YBX3: variants seen among roughly 807,000 people sequenced by gnomAD.
The protein encoded by YBX3 is Y-box binding protein 3, also known as Y-box-binding protein 3.
A neutral mutation model predicts 42.4 loss-of-function variants in YBX3; 29 were observed. That is an observed-to-expected ratio of 0.68 (90% confidence interval 0.51 to 0.93). YBX3 has a LOEUF of 0.93. YBX3 is among the 40% of genes least tolerant of loss of function. The pLI, the probability that YBX3 is intolerant of heterozygous loss-of-function variation, is 0.00. For missense variants in YBX3, 517 were observed against 527.5 expected (o/e 0.98, Z 0.19); for synonymous variants, 195 against 189.8 (o/e 1.03, Z -0.22).
At chr12:10,700,617 AC>A (rs889370612) in intron 9 of YBX3, among the ~76,000 whole-genome samples, 3 of 152,176 alleles carry the variant, frequency 2.0e-5, no homozygotes, top group African/African-American at 7.2e-5. Flanking sequence ...TCTTTACCAT[AC>A]CCTATTGTAA....
chr12:10,701,845 T>C, intron 8 of YBX3, 115 bp downstream of exon 8: 1 of 1,251,438 alleles, frequency 8.0e-7, no homozygotes. Flanking sequence ...TTGAGCAAAA[T>C]GTTTTTATAT....
intron 4 of YBX3, among the ~76,000 whole-genome samples, 192 bp downstream of exon 4, chr12:10,715,502 C>T (rs374525041): frequency 1.2e-4 from 18 of 151,678 alleles, no homozygotes; most frequent in South Asian, 4.2e-4. Context: ...ACCAAGATCG[C>T]GCCACTGCAC....
At position 10,699,295 on chromosome 12, in the gene YBX3, T is replaced by C. The variant is rs1230995716; in HGVS notation, c.*394A>G. 6.6e-6 allele frequency: 1 copy of C among 152,500 alleles called. No individual in the cohort carries two copies. Among genetic ancestry groups the C allele is most frequent in the Non-Finnish European group, 1.5e-5 (1 of 68,020 alleles). 9.4% of individuals were successfully genotyped at this position (152,500 alleles called of 1,614,324 possible). A position where few individuals can be genotyped will look rare whatever the true frequency, so the allele number is the denominator to read the frequency against. The stretch of plus-strand genomic sequence containing the variant: ...CAAAAACGGAAAAAAAAGCATTTAC[T>C]ATATATTTCAGATTTCTTTGGTTGG... On this transcript the variant is annotated 3_prime_UTR_variant, in exon 10 of 10. Transcript: ENST00000228251.
intron 7 of YBX3, chr12:10,702,951 T>A (rs1254769673): frequency 2.0e-5 from 3 of 152,226 alleles, no homozygotes; most frequent in Non-Finnish European, 4.4e-5. Flanking sequence ...CTGAGCTATA[T>A]AAAAGTGCTG....
rs1948350864 is a variant in YBX3 at position 10,723,008 on chromosome 12, G to C, written c.104C>G (p.Pro35Arg). ...GGCCTGGGGCGCACCGCTGCCCACC[G>C]GGCTCTTGGGCGCGGGGTCCTGGGG... is the stretch of plus-strand genomic sequence containing the variant. ...AAPQDPAPKSPVGSGAPQAAA... is the reference protein window; with the variant it reads ...AAPQDPAPKSRVGSGAPQAAA... The change falls in exon 1 of 10, where the codon CCG becomes CGG. Residue 35 changes from proline to arginine, a missense_variant. By Grantham distance (103) the Pro-to-Arg change is moderately radical. Around this residue, in one of 3 missense-constraint regions of YBX3, gnomAD observed 86 missense variants for 82.5 expected, o/e 1.04. Coordinates refer to ENST00000228251, the MANE Select transcript of YBX3 (RefSeq NM_003651.5). 8 of 1,208,168 alleles carry C rather than the reference G, an allele frequency of 6.6e-6. No individual in the cohort carries two copies. The highest frequency in any genetic ancestry group is 8.2e-6 in the Non-Finnish European group (8 of 974,890). 74.8% of individuals were successfully genotyped at this position (1,208,168 alleles called of 1,614,324 possible). A position where few individuals can be genotyped will look rare whatever the true frequency, so the allele number is the denominator to read the frequency against.
intron 6 of YBX3, chr12:10,704,481 C>T (rs1948115939): frequency 5.7e-6 from 1 of 175,374 alleles, no homozygotes; most frequent in African/African-American, 2.4e-5. Flanking sequence ...AACAAACTTA[C>T]TTTAAGCCAG....
chr12:10,704,408 A>G, intron 6 of YBX3: 1 of 329,142 alleles, frequency 3.0e-6, no homozygotes, highest in East Asian at 4.9e-5. Context: ...TCAATTTAAC[A>G]TTTTGAAATC....
At chr12:10,703,043 C>T (rs1268135817) in intron 7 of YBX3, 1 of 152,150 alleles carries the variant, frequency 6.6e-6, no homozygotes, top group Non-Finnish European at 1.5e-5. Context: ...TCACACGCTA[C>T]TGAATCCTTT....
intron 5 of YBX3, chr12:10,710,365 A>T: frequency 7.1e-7 from 1 of 1,399,156 alleles, no homozygotes; most frequent in South Asian, 1.5e-5. Context: ...TCTACAATCA[A>T]TTTAATAGTC....
At chr12:10,710,882 CAATT>C (rs1349434788) in intron 5 of YBX3, 3 of 160,966 alleles carry the variant, frequency 1.9e-5, no homozygotes, top group African/African-American at 7.2e-5. Context: ...TATTTTTAAT[CAATT>C]AACATTTTAA....
At position 10,723,078 on chromosome 12, in the gene YBX3, T is replaced by TGGTGGTGGTGGTGGC. The variant is rs1948353390; in HGVS notation, c.19_33dup (p.Ala7_Thr11dup). ...GTCGGAGCCTGCGGGAGGGTGGTGG[T>TGGTGGTGGTGGTGGC]GGTGGTGGTGGTGGCCTCGCCCGCC... On this transcript the variant is annotated inframe_insertion, in exon 1 of 10. Transcript: ENST00000228251. 8.3e-7 allele frequency: 1 copy of TGGTGGTGGTGGTGGC among 1,202,622 alleles called. No individual in the cohort carries two copies. Among genetic ancestry groups the TGGTGGTGGTGGTGGC allele is most frequent in the Non-Finnish European group, 1.0e-6 (1 of 971,000 alleles). 74.5% of individuals were successfully genotyped at this position (1,202,622 alleles called of 1,614,324 possible).
Position 10,718,123 on chromosome 12 carries a change from T to C in YBX3, c.327-2A>G. ...AATACATCTTCTTTGGTGTCATTTC[T>C]GTTGAAAGACAAAAAGCTCACAATT... On this transcript the variant is annotated splice_acceptor_variant, in intron 2 of 9. Coordinates refer to ENST00000228251, the MANE Select transcript of YBX3 (RefSeq NM_003651.5). LOFTEE classifies it high-confidence loss of function. The C allele has an allele frequency of 6.2e-7, 1 of 1,612,306 alleles. No individual in the cohort carries two copies. The highest frequency in any genetic ancestry group is 8.5e-7 in the Non-Finnish European group (1 of 1,179,190).
At chr12:10,710,904 TTACTTTCTAATATAATATTAATATAAA>T in intron 5 of YBX3, 1 of 162,868 alleles carries the variant, frequency 6.1e-6, no homozygotes, top group Non-Finnish European at 1.3e-5. Flanking sequence ...TAAGTTTATT[TTACTTTCTAATATAATATTAATATAAA>T]TAAACATTGA....
chr12:10,711,696 T>A (rs917433398), intron 5 of YBX3: 1 of 152,220 alleles, frequency 6.6e-6, no homozygotes, highest in African/African-American at 2.4e-5. Flanking sequence ...GACTTAGATA[T>A]TACAACAAAA....
At chr12:10,707,167 A>G (rs1948148002) in intron 6 of YBX3, among the ~76,000 whole-genome samples, 1 of 152,076 alleles carries the variant, frequency 6.6e-6, no homozygotes, top group Non-Finnish European at 1.5e-5. Context: ...ATACAACTTA[A>G]TGAACTCCCA....
chr12:10,722,781 C>A, intron 1 of YBX3, 69 bp downstream of exon 1: 1 of 1,297,560 alleles, frequency 7.7e-7, no homozygotes, highest in Non-Finnish European at 9.9e-7. Flanking sequence ...GCGAGCTGCC[C>A]ACACGTGCTC....
chr12:10,718,290 C>T, intron 2 of YBX3, 169 bp from the exon 3 acceptor site: 1 of 521,342 alleles, frequency 1.9e-6, no homozygotes, highest in Non-Finnish European at 3.3e-6. Context: ...ACATTTCTAA[C>T]TCCACAGGCC....
chr12:10,719,150 T>G lies in YBX3; in HGVS notation c.263-7A>C. 1 of 1,612,460 alleles carries G rather than the reference T, an allele frequency of 6.2e-7. No individual in the cohort carries two copies. ...GTGCCAAGGACTTTGGTGGCTAAAATAGGATTAAGCAGATAAATTAGTATC... is the reference window on the plus strand; with the variant it reads ...GTGCCAAGGACTTTGGTGGCTAAAAGAGGATTAAGCAGATAAATTAGTATC... On this transcript the variant is annotated splice_polypyrimidine_tract_variant and splice_region_variant and intron_variant, in intron 1 of 9. Coordinates refer to ENST00000228251, the MANE Select transcript of YBX3 (RefSeq NM_003651.5).
rs1948054525 is a variant in YBX3, at chr12:10,699,391, A to T, written c.*298T>A. 2 of 152,600 alleles carry T rather than the reference A, an allele frequency of 1.3e-5. No individual in the cohort carries two copies. The highest frequency in any genetic ancestry group is 1.3e-4 in the Admixed American group (2 of 15,278). The allele number at this position is 152,600 out of a possible 1,614,324, so 9.5% of individuals were successfully genotyped here. ...TTACCAAAACAGTAAAAACCAGGAA[A>T]AAAAATAGAAACCTAGCGGTTGCTG... On this transcript the variant is annotated 3_prime_UTR_variant, in exon 10 of 10. Coordinates refer to ENST00000228251, the MANE Select transcript of YBX3 (RefSeq NM_003651.5).
Sources: gnomAD v4.1 joint callset for allele counts (sites outside exome capture counted in the v4.1 genomes callset) on GRCh38, gnomAD v4.1.1 for gene constraint, gnomAD v4.1.1 regional missense constraint, MANE v1.5 for transcripts, NCBI Gene and HGNC (gene_info 2026-07-23, HGNC 2026-07-21) for gene names.